The following RNF220 variants were observed in gnomAD, a reference collection of about 807,000 sequenced individuals.
RNF220 encodes ring finger protein 220.
A neutral mutation model predicts 67.1 loss-of-function variants in RNF220; 7 were observed. The observed-to-expected ratio is 0.10, with a 90% CI of 0.06 to 0.20. The LOEUF (loss-of-function observed/expected upper bound fraction) is 0.20. RNF220 is among the 10% of genes least tolerant of loss of function. The pLI is 1.00. For missense variants in RNF220, 565 were observed against 740.3 expected, an observed-to-expected ratio of 0.76 and a Z score of 2.75; for synonymous variants, 270 against 283.2, an observed-to-expected ratio of 0.95 and a Z score of 0.47.
chr1:44,500,766 G>A lies in RNF220; in HGVS notation c.625+88044G>A, dbSNP rs542717780. On this transcript the variant is annotated intron_variant, in intron 2 of 14. Coordinates refer to ENST00000361799, the MANE Select transcript of RNF220 (RefSeq NM_018150.4). ...AGCCTGCCAGACCATTCTAATTGCC[G>A]CTGCTGCTGAGGGAGGGAGTCTCTA... is the stretch of plus-strand genomic sequence containing the variant. 8.5e-5 allele frequency among the ~76,000 whole-genome samples: 13 copies of A among 152,148 alleles called. No homozygotes were observed. The East Asian group carries it at 1.2e-3, about 14-fold the overall frequency.
Position 44,412,113 on chromosome 1 carries a change from G to C in RNF220, c.16G>C (p.Ala6Pro). 6.2e-7 allele frequency: 1 copy of C among 1,611,530 alleles called. No homozygotes were observed. Among genetic ancestry groups the C allele is most frequent in the Non-Finnish European group, 8.5e-7 (1 of 1,178,154 alleles). The change falls in exon 2 of 15, where the codon GCA (alanine) becomes CCA (proline). Residue 6 changes from alanine to proline, a missense_variant. Transcript: ENST00000361799. The surrounding 1 kb of genome is among the most constrained non-coding windows in gnomAD (Gnocchi z 5.3). Reference sequence around the variant, plus strand: ...AGAGACTCCGATGGACTTACACCGGGCAGCCTTCAAGATGGAGAACTCATC... The same window carrying C: ...AGAGACTCCGATGGACTTACACCGGCCAGCCTTCAAGATGGAGAACTCATC... The part of the protein sequence containing the change: MDLHR[A>P]AFKMENSSYL...
chr1:44,649,947 T>A lies in RNF220; in HGVS notation c.1619T>A (p.Leu540Gln). ...CACGTGCACTGCGAGGAGTGCTGGC[T>A]GCGGACCCTGGTGAGGTGGCATGGG... ...CWHVHCEECW[L>Q]RTLGAKKLCP... The change falls in exon 14 of 15, where the codon CTG becomes CAG. Residue 540 changes from leucine to glutamine, a missense_variant. Transcript: ENST00000361799. The surrounding 1 kb of genome is among the most constrained non-coding windows in gnomAD (Gnocchi z 5.9). 6.2e-7 allele frequency: 1 copy of A among 1,613,794 alleles called. No individual in the cohort carries two copies. Among genetic ancestry groups the A allele is most frequent in the Non-Finnish European group, 8.5e-7 (1 of 1,179,920 alleles).
intron 2 of RNF220, among the ~76,000 whole-genome samples, chr1:44,556,559 C>G (rs981266335): frequency 6.1e-5 from 9 of 146,512 alleles, no homozygotes; most frequent in African/African-American, 2.4e-4. Flanking sequence ...CCTGTCTGCT[C>G]TTCCTGTTCT....
chr1:44,470,611 C>T (rs1213123201), intron 2 of RNF220, among the ~76,000 whole-genome samples: 1 of 152,182 alleles, frequency 6.6e-6, no homozygotes, highest in Non-Finnish European at 1.5e-5. Context: ...TCTGATCCCT[C>T]ACATTTGTAG....
intron 1 of RNF220, among the ~76,000 whole-genome samples, chr1:44,408,171 AAG>A (rs995811868): frequency 4.6e-5 from 7 of 152,158 alleles, no homozygotes; most frequent in Non-Finnish European, 5.9e-5. Context: ...TTTTCCCTAA[AAG>A]AGTTGATTTT....
At chr1:44,435,358 T>G (rs1650857331) in intron 2 of RNF220, among the ~76,000 whole-genome samples, 1 of 152,206 alleles carries the variant, frequency 6.6e-6, no homozygotes, top group African/African-American at 2.4e-5. Flanking sequence ...ACTCACTGTT[T>G]TGTTTTAATG....
chr1:44,407,747 G>A (rs1233841285), intron 1 of RNF220, among the ~76,000 whole-genome samples: 1 of 152,192 alleles, frequency 6.6e-6, no homozygotes, highest in Admixed American at 6.5e-5. Flanking sequence ...GGGCCCGGCA[G>A]CCCCGCGCCG....
intron 2 of RNF220, among the ~76,000 whole-genome samples, chr1:44,495,790 G>A (rs951534775): frequency 6.6e-6 from 1 of 152,146 alleles, no homozygotes; most frequent in Admixed American, 6.5e-5. Flanking sequence ...GAGGTAAGAG[G>A]GTAACAGAAA....
At chr1:44,507,142 T>A (rs1377540383) in intron 2 of RNF220, among the ~76,000 whole-genome samples, 2 of 152,162 alleles carry the variant, frequency 1.3e-5, no homozygotes, top group East Asian at 3.8e-4. Flanking sequence ...GACCACAGGC[T>A]GTAACCCACC....
chr1:44,551,465 A>C (rs569216593), intron 2 of RNF220, among the ~76,000 whole-genome samples: 2 of 152,082 alleles, frequency 1.3e-5, no homozygotes, highest in Non-Finnish European at 2.9e-5. Flanking sequence ...ATTTTTGAGA[A>C]TGTCTGATAA....
chr1:44,624,521 C>T lies in RNF220; in HGVS notation c.804+1734C>T, dbSNP rs1643886353. On this transcript the variant is annotated intron_variant, in intron 4 of 14. Coordinates refer to ENST00000361799, the MANE Select transcript of RNF220 (RefSeq NM_018150.4). The surrounding 1 kb of genome is among the most constrained non-coding windows in gnomAD (Gnocchi z 4.2). ...CCATGAGACACAGAGATAAGGGACA[C>T]TTGCTCACCCACTTCCAGATATATG... is the stretch of plus-strand genomic sequence containing the variant. 6.6e-6 allele frequency among the ~76,000 whole-genome samples: 1 copy of T among 152,326 alleles called. No homozygotes were observed. Among genetic ancestry groups the T allele is most frequent in the South Asian group, 2.1e-4 (1 of 4,820 alleles).
intron 4 of RNF220, among the ~76,000 whole-genome samples, chr1:44,625,057 G>GAGAA (rs1643900826): frequency 6.8e-6 from 1 of 147,566 alleles, no homozygotes; most frequent in South Asian, 2.2e-4. Context: ...GAGAGAGAGA[G>GAGAA]AAAGCGCACA....
At chr1:44,422,063 C>T (rs1014660918) in intron 2 of RNF220, among the ~76,000 whole-genome samples, 7 of 152,194 alleles carry the variant, frequency 4.6e-5, no homozygotes, top group Admixed American at 3.9e-4. Context: ...AATTCTCCTC[C>T]CTCTCTGTCC....
At chr1:44,559,621 T>C (rs572280914) in intron 2 of RNF220, among the ~76,000 whole-genome samples, 1 of 149,982 alleles carries the variant, frequency 6.7e-6, no homozygotes, top group African/African-American at 2.5e-5. Context: ...GGAAGGGGAG[T>C]GGGGCTGGGA....
chr1:44,573,973 C>T (rs1664629713), intron 2 of RNF220, among the ~76,000 whole-genome samples: 1 of 152,134 alleles, frequency 6.6e-6, no homozygotes, highest in Admixed American at 6.5e-5. Flanking sequence ...AAAATATGAG[C>T]TGGGCGTGGT....
intron 2 of RNF220, among the ~76,000 whole-genome samples, chr1:44,532,471 T>C (rs1015924808): frequency 1.3e-5 from 2 of 152,336 alleles, no homozygotes; most frequent in Admixed American, 6.5e-5. Flanking sequence ...TTTTGGCATC[T>C]TTTATCACGT....
intron 2 of RNF220, among the ~76,000 whole-genome samples, chr1:44,462,677 A>G (rs1322466999): frequency 2.0e-5 from 3 of 152,218 alleles, no homozygotes; most frequent in African/African-American, 7.2e-5. Flanking sequence ...TTTATAGAAA[A>G]ATGAAGTATA....
chr1:44,557,008 G>A (rs1016543416), intron 2 of RNF220, among the ~76,000 whole-genome samples: 4 of 151,604 alleles, frequency 2.6e-5, no homozygotes, highest in Non-Finnish European at 4.4e-5. Context: ...CAATCCCTCC[G>A]CTAATAGGGG....
chr1:44,429,271 A>C (rs558255492), intron 2 of RNF220, among the ~76,000 whole-genome samples: 3 of 152,248 alleles, frequency 2.0e-5, no homozygotes, highest in Non-Finnish European at 2.9e-5. Context: ...AATAACAGAT[A>C]AGATTTTAAC....
Sources: allele counts gnomAD v4.1 joint callset (sites outside exome capture counted in the v4.1 genomes callset), GRCh38; gene constraint gnomAD v4.1.1; non-coding constraint Gnocchi (gnomAD v3.1); transcripts MANE v1.5; gene names NCBI Gene and HGNC (gene_info 2026-07-23, HGNC 2026-07-21).